The following MAN1C1 variants were observed in gnomAD, a reference collection of about 807,000 sequenced individuals.
MAN1C1 encodes the protein mannosyl-oligosaccharide 1,2-alpha-mannosidase IC.
MAN1C1 carries 49 observed loss-of-function variants against 71.5 expected under a neutral mutation model. The observed-to-expected ratio is 0.69, with a 90% CI of 0.54 to 0.87. MAN1C1 has a LOEUF of 0.87. MAN1C1 is among the 40% of genes least tolerant of loss of function. The pLI, the probability that MAN1C1 is intolerant of heterozygous loss-of-function variation, is 0.00. For synonymous variants in MAN1C1, 352 were observed against 343.7 expected (o/e 1.02, Z -0.27); for missense variants, 743 against 835.0 (o/e 0.89, Z 1.36).
At chr1:25,653,713 C>T (rs2045724568) in intron 1 of MAN1C1, among the ~76,000 whole-genome samples, 1 of 152,202 alleles carries the variant, frequency 6.6e-6, no homozygotes, top group Admixed American at 6.5e-5. Flanking sequence ...AGTCTGGCTT[C>T]TGCAGGAAGT....
chr1:25,755,753 G>T (rs2047276975), intron 5 of MAN1C1, among the ~76,000 whole-genome samples: 1 of 152,186 alleles, frequency 6.6e-6, no homozygotes, highest in Non-Finnish European at 1.5e-5. Context: ...CCATACTCAT[G>T]AGTGTACCTG....
chr1:25,665,268 C>T (rs2045905770), intron 1 of MAN1C1, among the ~76,000 whole-genome samples: 1 of 152,204 alleles, frequency 6.6e-6, no homozygotes, highest in Non-Finnish European at 1.5e-5. Flanking sequence ...CACACGTACA[C>T]ATGTCTCTGT....
At chr1:25,763,683 G>A (rs1483078433) in intron 6 of MAN1C1, 191 bp from the exon 7 acceptor site, 6 of 585,418 alleles carry the variant, frequency 1.0e-5, no homozygotes, top group South Asian at 1.9e-5. Context: ...CACCCTTCAC[G>A]TGGCACCAGG....
intron 4 of MAN1C1, among the ~76,000 whole-genome samples, chr1:25,751,049 T>A (rs1323467036): frequency 1.3e-5 from 2 of 151,410 alleles, no homozygotes; most frequent in Non-Finnish European, 2.9e-5. Flanking sequence ...CTTCCTTCCT[T>A]CTATCCATCT....
At position 25,782,528 on chromosome 1, in the gene MAN1C1, G is replaced by C; in HGVS notation, c.1651-57G>C. On this transcript the variant is annotated intron_variant, in intron 10 of 11. Transcript: ENST00000374332. This position sits in a 1 kb window ranked among gnomAD's most constrained non-coding sequence, Gnocchi z 4.4. ...CCTGCCAGGCATGCACAAGTCTTGA[G>C]GGGCCTTTCCTGTCCCGTGTTAAGG... 1 of 1,189,724 alleles carries C rather than the reference G, an allele frequency of 8.4e-7. No individual in the cohort carries two copies. The highest frequency in any genetic ancestry group is 1.3e-6 in the Non-Finnish European group (1 of 797,106). The allele number at this position is 1,189,724 out of a possible 1,614,324, so 73.7% of individuals were successfully genotyped here.
rs568295704 is a variant in MAN1C1, at chr1:25,631,247, C to T, written c.540+12910C>T. On this transcript the variant is annotated intron_variant, in intron 1 of 11. Coordinates refer to ENST00000374332, the MANE Select transcript of MAN1C1 (RefSeq NM_020379.4). This position sits in a 1 kb window ranked among gnomAD's most constrained non-coding sequence, Gnocchi z 4.2. The stretch of plus-strand genomic sequence containing the variant: ...CCTCCCAAAGTGCTAGGATTACAGG[C>T]ATGAGCCACCGCACCCAGCCCAGTG... Among the ~76,000 whole-genome samples the T allele has an allele frequency of 2.4e-3, 370 of 152,248 alleles. No homozygotes were observed. The highest frequency in any genetic ancestry group is 8.5e-3 in the African/African-American group (354 of 41,530).
At chr1:25,665,615 CTT>C (rs908360067) in intron 1 of MAN1C1, among the ~76,000 whole-genome samples, 1 of 151,976 alleles carries the variant, frequency 6.6e-6, no homozygotes, top group Non-Finnish European at 1.5e-5. Context: ...AGTTGGGAGT[CTT>C]TAGGTTTTTG....
At chr1:25,689,639 A>G (rs937864260) in intron 2 of MAN1C1, among the ~76,000 whole-genome samples, 2 of 152,174 alleles carry the variant, frequency 1.3e-5, no homozygotes, top group African/African-American at 4.8e-5. Flanking sequence ...GGTAGGAGAT[A>G]AACTGGCCTG....
At chr1:25,747,537 T>C (rs570407934) in intron 3 of MAN1C1, among the ~76,000 whole-genome samples, 1 of 152,296 alleles carries the variant, frequency 6.6e-6, no homozygotes, top group East Asian at 1.9e-4. Context: ...CCAGGCTCCA[T>C]GTGGGCTCCG....
At chr1:25,741,136 C>T (rs750599669) in intron 2 of MAN1C1, among the ~76,000 whole-genome samples, 2 of 151,898 alleles carry the variant, frequency 1.3e-5, no homozygotes, top group Admixed American at 6.6e-5. Context: ...TGGAGACATG[C>T]ATGCAGAGTT....
At chr1:25,654,974 T>G (rs765413987) in intron 1 of MAN1C1, among the ~76,000 whole-genome samples, 31 of 152,286 alleles carry the variant, frequency 2.0e-4, no homozygotes, top group South Asian at 1.0e-3. Flanking sequence ...GGTTCCAAAG[T>G]GCTGTAGAGT....
chr1:25,672,971 G>C (rs2046012681), intron 1 of MAN1C1, among the ~76,000 whole-genome samples: 1 of 152,136 alleles, frequency 6.6e-6, no homozygotes, highest in Non-Finnish European at 1.5e-5. Context: ...GCTGTTTGGA[G>C]AAAGGATGGG....
chr1:25,709,251 G>GATGC (rs2046569617), intron 2 of MAN1C1, among the ~76,000 whole-genome samples: 1 of 152,190 alleles, frequency 6.6e-6, no homozygotes, highest in South Asian at 2.1e-4. Flanking sequence ...TCAGAGACCT[G>GATGC]ATGCAGAACA....
chr1:25,642,266 A>T (rs906819388), intron 1 of MAN1C1, among the ~76,000 whole-genome samples: 1 of 152,166 alleles, frequency 6.6e-6, no homozygotes, highest in Non-Finnish European at 1.5e-5. Context: ...CCTGAGGGCA[A>T]CAAAGCCGGT....
Position 25,764,040 on chromosome 1 carries a change from C to T in MAN1C1, c.1141+73C>T, listed in dbSNP as rs1023805248. Reference sequence around the variant, plus strand: ...GGCTTCCTAGGAAGACCCTGCCAGGCCCCTGGGCTGAGTGAGGATGTGTCT... The same window carrying T: ...GGCTTCCTAGGAAGACCCTGCCAGGTCCCTGGGCTGAGTGAGGATGTGTCT... On this transcript the variant is annotated intron_variant, in intron 7 of 11. Transcript: ENST00000374332. The surrounding 1 kb of genome is among the most constrained non-coding windows in gnomAD (Gnocchi z 4.4). 3.1e-6 allele frequency: 4 copies of T among 1,272,504 alleles called. No individual in the cohort carries two copies. The African/African-American group carries it at 4.4e-5, about 14-fold the overall frequency. The allele number at this position is 1,272,504 out of a possible 1,614,324, so 78.8% of individuals were successfully genotyped here. A position where few individuals can be genotyped will look rare whatever the true frequency, so the allele number is the denominator to read the frequency against.
At chr1:25,741,065 G>A (rs2047057313) in intron 2 of MAN1C1, among the ~76,000 whole-genome samples, 1 of 152,038 alleles carries the variant, frequency 6.6e-6, no homozygotes, top group African/African-American at 2.4e-5. Flanking sequence ...GAACAGGTCT[G>A]GAGGAAGGCA....
chr1:25,721,544 C>T (rs1161859684), intron 2 of MAN1C1, among the ~76,000 whole-genome samples: 1 of 151,980 alleles, frequency 6.6e-6, no homozygotes, highest in Non-Finnish European at 1.5e-5. Context: ...CTTTTTGATG[C>T]TTTGTAAATG....
chr1:25,641,398 T>C (rs1231624550), intron 1 of MAN1C1, among the ~76,000 whole-genome samples: 1 of 152,212 alleles, frequency 6.6e-6, no homozygotes, highest in Non-Finnish European at 1.5e-5. Flanking sequence ...TTCTGTGACA[T>C]CATTTGAAGG....
At chr1:25,773,051 T>C (rs913855500) in intron 8 of MAN1C1, among the ~76,000 whole-genome samples, 1 of 152,348 alleles carries the variant, frequency 6.6e-6, no homozygotes, top group Non-Finnish European at 1.5e-5. Context: ...TCTAAAATTA[T>C]CACAGGCACA....
Sources: gnomAD v4.1 joint callset for allele counts (sites outside exome capture counted in the v4.1 genomes callset) on GRCh38, gnomAD v4.1.1 for gene constraint, Gnocchi (gnomAD v3.1) non-coding constraint, MANE v1.5 for transcripts, NCBI Gene and HGNC (gene_info 2026-07-23, HGNC 2026-07-21) for gene names.